The following MBTD1 variants were observed in gnomAD, a reference collection of about 807,000 sequenced individuals.
The protein encoded by MBTD1 is mbt domain containing 1, also known as MBT domain-containing protein 1.
MBTD1 carries 24 observed loss-of-function variants against 87.8 expected under a neutral mutation model. That is an observed-to-expected ratio of 0.27 (90% CI 0.20 to 0.38). The LOEUF (loss-of-function observed/expected upper bound fraction) is 0.38, where lower values mean the gene tolerates loss of function less well. Among genes scored for constraint, MBTD1 ranks in the 10% least tolerant of loss-of-function variants. The pLI is 1.00. For synonymous variants in MBTD1, 237 were observed against 248.6 expected, an observed-to-expected ratio of 0.95 and a Z score of 0.44; for missense variants, 436 against 760.2, an observed-to-expected ratio of 0.57 and a Z score of 5.02.
In MBTD1 at chr17:51,259,984, G is replaced by T. The variant is rs902372720; in HGVS notation, c.-262C>A. ...GGCCCCCGGCTGGGCCCAGACCGGT[G>T]GCGGGTGCAGCAGCCCCCGGATTTC... On this transcript the variant is annotated 5_prime_UTR_variant, in exon 1 of 17. Transcript: ENST00000586178. The T allele has an allele frequency of 5.4e-5, 41 of 764,268 alleles. No homozygotes were observed. The highest frequency in any genetic ancestry group is 6.9e-5 in the Non-Finnish European group (39 of 561,268). 47.3% of individuals were successfully genotyped at this position (764,268 alleles called of 1,614,324 possible). A position where few individuals can be genotyped will look rare whatever the true frequency, so the allele number is the denominator to read the frequency against.
chr17:51,186,673 C>T (rs2050551647), intron 16 of MBTD1, among the ~76,000 whole-genome samples: 1 of 151,930 alleles, frequency 6.6e-6, no homozygotes, highest in South Asian at 2.1e-4. Context: ...ACTCGGGAGG[C>T]TGAGGCAGGA....
chr17:51,184,254 G>T (rs1344796071), intron 16 of MBTD1: 3 of 152,192 alleles, frequency 2.0e-5, no homozygotes, highest in Non-Finnish European at 4.4e-5. Context: ...AATGATGGAT[G>T]AAATAAAACA....
In MBTD1 at chr17:51,179,518, A is replaced by ATATATTTATATT. The variant is rs2050226485; in HGVS notation, c.*1057_*1058insAATATAAATATA. ...TATATATATATATATATATATATAT[A>ATATATTTATATT]TATATATATATATATATATGGAATT... On this transcript the variant is annotated 3_prime_UTR_variant, in exon 17 of 17. Transcript: ENST00000586178. The ATATATTTATATT allele has an allele frequency of 2.0e-5, 2 of 100,628 alleles. No individual in the cohort carries two copies. The highest frequency in any genetic ancestry group is 7.1e-5 in the African/African-American group (2 of 28,142). 6.2% of individuals were successfully genotyped at this position (100,628 alleles called of 1,614,324 possible).
At chr17:51,196,615 G>C (rs2051123538) in intron 12 of MBTD1, among the ~76,000 whole-genome samples, 2 of 151,834 alleles carry the variant, frequency 1.3e-5, no homozygotes, top group Admixed American at 1.3e-4. Flanking sequence ...ATTTTGGCTG[G>C]GCGTGGTAGC....
Position 51,259,961 on chromosome 17 carries a change from C to T in MBTD1, c.-239G>A, listed in dbSNP as rs894804572. ...CCGGGACTGCGGCGACTACAGGGGG[C>T]CCCCGGCTGGGCCCAGACCGGTGGC... On this transcript the variant is annotated 5_prime_UTR_variant, in exon 1 of 17. Transcript: ENST00000586178. 12 of 1,074,966 alleles carry T rather than the reference C, an allele frequency of 1.1e-5. No homozygotes were observed. The African/African-American group carries it at 1.8e-4, about 16-fold the overall frequency. The allele number at this position is 1,074,966 out of a possible 1,614,324, so 66.6% of individuals were successfully genotyped here.
upstream of MBTD1, chr17:51,260,890 C>A (rs370056458): frequency 6.3e-7 from 1 of 1,598,780 alleles, no homozygotes; most frequent in East Asian, 2.3e-5. Flanking sequence ...TCGAGAACGA[C>A]GAGGACGCGT....
At chr17:51,185,162 C>A (rs1197577676) in intron 16 of MBTD1, 1 of 152,174 alleles carries the variant, frequency 6.6e-6, no homozygotes, top group African/African-American at 2.4e-5. Flanking sequence ...AGCTAGGTAA[C>A]AAGTCTCATC....
chr17:51,228,042 ATATT>A (rs1405077079), intron 2 of MBTD1, among the ~76,000 whole-genome samples: 1 of 152,158 alleles, frequency 6.6e-6, no homozygotes, highest in African/African-American at 2.4e-5. Flanking sequence ...TTCTACATAT[ATATT>A]TATTCAGTTT....
At chr17:51,229,322 T>C (rs1264712841) in intron 2 of MBTD1, among the ~76,000 whole-genome samples, 1 of 152,164 alleles carries the variant, frequency 6.6e-6, no homozygotes, top group Non-Finnish European at 1.5e-5. Flanking sequence ...CCTCTCACAC[T>C]ACACTTTAAG....
chr17:51,233,405 A>C (rs1211165885), intron 2 of MBTD1, among the ~76,000 whole-genome samples: 1 of 152,192 alleles, frequency 6.6e-6, no homozygotes, highest in African/African-American at 2.4e-5. Context: ...AAAAATTACG[A>C]ATTCTTCAGA....
chr17:51,257,308 C>T lies in MBTD1; in HGVS notation c.-49+1835G>A, dbSNP rs369613844. Among the ~76,000 whole-genome samples, 58 of 152,242 alleles carry T rather than the reference C, an allele frequency of 3.8e-4. No homozygotes were observed. The South Asian group carries it at 0.01, about 27-fold the overall frequency. On this transcript the variant is annotated intron_variant, in intron 2 of 16. Transcript: ENST00000586178. ...TAGCAAACATTTTAAAGATGAAAAG[C>T]TGAGAAACAAAGAGCAACCCAAAGA...
intron 14 of MBTD1, 84 bp from the exon 15 acceptor site, chr17:51,193,100 A>G (rs2050889525): frequency 1.2e-6 from 1 of 829,724 alleles, no homozygotes; most frequent in Admixed American, 2.2e-5. Flanking sequence ...CAAAAAACAG[A>G]AGCGACTAGC....
intron 2 of MBTD1, among the ~76,000 whole-genome samples, chr17:51,253,052 ATTAT>A (rs2054887088): frequency 6.6e-6 from 1 of 152,106 alleles, no homozygotes; most frequent in Non-Finnish European, 1.5e-5. Context: ...GCATTGTTTA[ATTAT>A]TGTACTATCA....
At chr17:51,200,541 C>T (rs1322786887) in intron 12 of MBTD1, among the ~76,000 whole-genome samples, 3 of 112,240 alleles carry the variant, frequency 2.7e-5, no homozygotes, top group African/African-American at 1.1e-4. Context: ...GCCTGGGTGA[C>T]AGGGCGAGAT....
In MBTD1 at chr17:51,179,522, A is replaced by ATATT. The variant is rs1568136479; in HGVS notation, c.*1053_*1054insAATA. 10 of 98,000 alleles carry ATATT rather than the reference A, an allele frequency of 1.0e-4. No homozygotes were observed. The highest frequency in any genetic ancestry group is 1.7e-4 in the Non-Finnish European group (8 of 45,806). The allele number at this position is 98,000 out of a possible 1,614,324, so 6.1% of individuals were successfully genotyped here. ...TATATATATATATATATATATATAT[A>ATATT]TATATATATATATATGGAATTTTAA... On this transcript the variant is annotated 3_prime_UTR_variant, in exon 17 of 17. Coordinates refer to ENST00000586178, the MANE Select transcript of MBTD1 (RefSeq NM_017643.3).
intron 15 of MBTD1, chr17:51,192,559 G>A: frequency 2.6e-6 from 2 of 774,050 alleles, no homozygotes; most frequent in East Asian, 5.4e-5. Flanking sequence ...GGTGACTGTT[G>A]TGTTTCTATA....
At chr17:51,184,045 C>G (rs772079528) in intron 16 of MBTD1, 2 of 152,172 alleles carry the variant, frequency 1.3e-5, no homozygotes, top group Non-Finnish European at 2.9e-5. Flanking sequence ...CTGCTAACAA[C>G]AAATTTCTGG....
At chr17:51,227,128 G>T (rs990460978) in intron 2 of MBTD1, among the ~76,000 whole-genome samples, 2 of 151,382 alleles carry the variant, frequency 1.3e-5, no homozygotes, top group African/African-American at 4.9e-5. Flanking sequence ...TGTAGTCCCA[G>T]CTACTGGGGA....
At chr17:51,236,100 A>G (rs1001012625) in intron 2 of MBTD1, among the ~76,000 whole-genome samples, 4 of 152,108 alleles carry the variant, frequency 2.6e-5, no homozygotes, top group Non-Finnish European at 4.4e-5. Flanking sequence ...ATATCTATAG[A>G]TTTACATACC....
Sources: gnomAD v4.1 joint callset for allele counts (sites outside exome capture counted in the v4.1 genomes callset) on GRCh38, gnomAD v4.1.1 for gene constraint, MANE v1.5 for transcripts, NCBI Gene and HGNC (gene_info 2026-07-23, HGNC 2026-07-21) for gene names.